Variants in UNC5D observed in about 807,000 individuals in gnomAD.
The protein encoded by UNC5D is unc-5 netrin receptor D, also known as netrin receptor UNC5D.
UNC5D carries 39 observed loss-of-function variants against 105.4 expected under a neutral mutation model. That is an observed-to-expected ratio of 0.37 (90% CI 0.29 to 0.48). UNC5D has a LOEUF of 0.48. UNC5D is among the 20% of genes least tolerant of loss of function. The probability of loss-of-function intolerance (pLI) is 0.98; values close to 1 mark genes in which losing one functional copy is unlikely to be tolerated. For synonymous variants in UNC5D, 452 were observed against 450.4 expected (o/e 1.00, Z -0.04); for missense variants, 991 against 1,202.4 (o/e 0.82, Z 2.60).
intron 1 of UNC5D, among the ~76,000 whole-genome samples, chr8:35,280,484 T>A (rs1353395592): frequency 6.6e-6 from 1 of 152,192 alleles, no homozygotes; most frequent in African/African-American, 2.4e-5. Context: ...TGGAATTGAT[T>A]GTGAGATTCT....
chr8:35,390,068 C>T (rs1381712772), intron 1 of UNC5D, among the ~76,000 whole-genome samples: 4 of 152,104 alleles, frequency 2.6e-5, no homozygotes, highest in Non-Finnish European at 2.9e-5. Context: ...GGGGAGGCCT[C>T]GGGAAACTTC....
intron 16 of UNC5D, among the ~76,000 whole-genome samples, chr8:35,783,314 T>G (rs972617920): frequency 1.3e-5 from 2 of 152,148 alleles, no homozygotes; most frequent in African/African-American, 4.8e-5. Flanking sequence ...TTGAAGTGAC[T>G]TCTTTGCTAA....
chr8:35,258,800 A>G (rs934889709), intron 1 of UNC5D, among the ~76,000 whole-genome samples: 11 of 152,150 alleles, frequency 7.2e-5, no homozygotes, highest in Non-Finnish European at 1.5e-4. Flanking sequence ...AAATGCAGGG[A>G]GTGAAACATC....
intron 1 of UNC5D, among the ~76,000 whole-genome samples, chr8:35,350,195 A>G (rs985187065): frequency 6.6e-6 from 1 of 152,050 alleles, no homozygotes; most frequent in Non-Finnish European, 1.5e-5. Flanking sequence ...GAATGTTTAC[A>G]GTACAGTTCC....
chr8:35,668,343 T>C (rs1824565262), intron 4 of UNC5D, among the ~76,000 whole-genome samples: 1 of 152,132 alleles, frequency 6.6e-6, no homozygotes, highest in Non-Finnish European at 1.5e-5. Flanking sequence ...TTATTGCTCT[T>C]ATTGAATGCA....
rs1355177279 is a variant in UNC5D, at chr8:35,792,167, C to CA, written c.*1605dup. 4.6e-5 allele frequency: 7 copies of CA among 151,920 alleles called. No homozygotes were observed. Among genetic ancestry groups the CA allele is most frequent in the African/African-American group, 1.7e-4 (7 of 41,364 alleles). The allele number at this position is 151,920 out of a possible 1,614,324, so 9.4% of individuals were successfully genotyped here. On this transcript the variant is annotated 3_prime_UTR_variant, in exon 17 of 17. Transcript: ENST00000404895. ...AGTACTTGGCAGTTGGGATATGATC[C>CA]ATTTTTTTAAACAAGTTTTTTGTAG...
intron 4 of UNC5D, among the ~76,000 whole-genome samples, chr8:35,641,897 T>A (rs1317172613): frequency 6.6e-6 from 1 of 152,180 alleles, no homozygotes; most frequent in Non-Finnish European, 1.5e-5. Context: ...AGCTCCTTAT[T>A]TCTCCAGGTT....
chr8:35,417,439 C>T (rs1563397860), intron 1 of UNC5D, among the ~76,000 whole-genome samples: 5 of 150,214 alleles, frequency 3.3e-5, no homozygotes, highest in Non-Finnish European at 1.5e-5. Context: ...TTAGATTAAG[C>T]TTGGATATAC....
At position 35,603,543 on chromosome 8, in the gene UNC5D, T is replaced by A. The variant is rs1474271238; in HGVS notation, c.570+7886T>A. Among the ~76,000 whole-genome samples, 12 of 152,258 alleles carry A rather than the reference T, an allele frequency of 7.9e-5. 1 individual carries two copies. In the East Asian group the frequency reaches 2.1e-3, roughly 27 times the overall value. On this transcript the variant is annotated intron_variant, in intron 4 of 16. Coordinates refer to ENST00000404895, the MANE Select transcript of UNC5D (RefSeq NM_080872.4). Reference sequence around the variant, plus strand: ...TGTTGATTTGGGGTGGAGAGTTCTGTAGATGTCTATTAGGTCCACTTGGTG... The same window carrying A: ...TGTTGATTTGGGGTGGAGAGTTCTGAAGATGTCTATTAGGTCCACTTGGTG...
At chr8:35,650,784 C>T (rs1823358248) in intron 4 of UNC5D, among the ~76,000 whole-genome samples, 1 of 152,102 alleles carries the variant, frequency 6.6e-6, no homozygotes, top group African/African-American at 2.4e-5. Flanking sequence ...GAACTGCTGT[C>T]TTTTTGATAC....
chr8:35,493,281 C>CAAAAAAAAAAA (rs35199794), intron 1 of UNC5D, among the ~76,000 whole-genome samples: 2 of 67,144 alleles, frequency 3.0e-5, no homozygotes, highest in Non-Finnish European at 5.8e-5. Flanking sequence ...AGTCTGTGAC[C>CAAAAAAAAAAA]AAAAAAAAAA....
intron 1 of UNC5D, among the ~76,000 whole-genome samples, chr8:35,243,124 T>TC (rs1297367334): frequency 6.6e-6 from 1 of 152,138 alleles, no homozygotes; most frequent in Non-Finnish European, 1.5e-5. Context: ...TCTGATAAAC[T>TC]CCCAGATGAC....
intron 1 of UNC5D, among the ~76,000 whole-genome samples, chr8:35,422,977 C>T (rs1806013879): frequency 6.6e-6 from 1 of 152,194 alleles, no homozygotes; most frequent in African/African-American, 2.4e-5. Context: ...GTTTCAGTGA[C>T]TTGCCTCAGG....
intron 1 of UNC5D, among the ~76,000 whole-genome samples, chr8:35,258,241 G>A (rs1804217298): frequency 6.6e-6 from 1 of 152,224 alleles, no homozygotes; most frequent in South Asian, 2.1e-4. Flanking sequence ...ATTTTATAAG[G>A]GGGCAAATCC....
chr8:35,714,456 G>A (rs886460901), intron 8 of UNC5D, among the ~76,000 whole-genome samples: 4 of 152,110 alleles, frequency 2.6e-5, no homozygotes, highest in East Asian at 3.9e-4. Context: ...CAAGGAAATC[G>A]TTGGCACTGT....
intron 4 of UNC5D, among the ~76,000 whole-genome samples, chr8:35,612,341 G>T (rs548831600): frequency 2.5e-4 from 38 of 152,234 alleles, no homozygotes; most frequent in African/African-American, 8.4e-4. Flanking sequence ...CAGAATGAAA[G>T]AATGTATTTT....
At chr8:35,252,105 T>C (rs890701902) in intron 1 of UNC5D, among the ~76,000 whole-genome samples, 1 of 148,388 alleles carries the variant, frequency 6.7e-6, no homozygotes, top group Non-Finnish European at 1.5e-5. Context: ...CACTGCAGGC[T>C]CTGCCCCACG....
intron 1 of UNC5D, among the ~76,000 whole-genome samples, chr8:35,477,286 C>G (rs556840353): frequency 6.6e-6 from 1 of 151,568 alleles, no homozygotes; most frequent in Non-Finnish European, 1.5e-5. Context: ...ATAATAACTT[C>G]TAGTTTGAAT....
At chr8:35,527,530 C>A (rs939466051) in intron 1 of UNC5D, among the ~76,000 whole-genome samples, 1 of 151,956 alleles carries the variant, frequency 6.6e-6, no homozygotes, top group African/African-American at 2.4e-5. Flanking sequence ...TGAAAAGAAG[C>A]TCTCCTGTTT....
Sources: allele counts gnomAD v4.1 joint callset (sites outside exome capture counted in the v4.1 genomes callset), GRCh38; gene constraint gnomAD v4.1.1; transcripts MANE v1.5; gene names NCBI Gene and HGNC (gene_info 2026-07-23, HGNC 2026-07-21).